DCX: variants seen among roughly 807,000 people sequenced by gnomAD.
The protein encoded by DCX is doublecortin, also known as neuronal migration protein doublecortin.
A neutral mutation model predicts 20.9 loss-of-function variants in DCX; 4 were observed. The observed-to-expected ratio is 0.19, with a 90% CI of 0.09 to 0.44. The LOEUF (loss-of-function observed/expected upper bound fraction) is 0.44. Among genes scored for constraint, DCX ranks in the 20% least tolerant of loss-of-function variants. The probability of loss-of-function intolerance (pLI) is 0.99; values close to 1 mark genes in which losing one functional copy is unlikely to be tolerated. For synonymous variants in DCX, 103 were observed against 111.4 expected, an observed-to-expected ratio of 0.92 and a Z score of 0.47; for missense variants, 133 against 296.9, an observed-to-expected ratio of 0.45 and a Z score of 4.06.
chrX:111,379,899 G>A (rs1194042935), intron 3 of DCX, among the ~76,000 whole-genome samples: 5 of 110,826 alleles, frequency 4.5e-5, no homozygotes. Context: ...AACCCTAAGG[G>A]TGTAAAGTGG....
At chrX:111,368,240 C>A (rs1260088630) in intron 3 of DCX, among the ~76,000 whole-genome samples, 1 of 111,741 alleles carries the variant, frequency 8.9e-6, no homozygotes, top group Admixed American at 9.5e-5. Flanking sequence ...GACAGGGGTT[C>A]TCCCTCTGTG....
At chrX:111,393,734 G>T (rs1352124580) in intron 3 of DCX, among the ~76,000 whole-genome samples, 2 of 111,072 alleles carry the variant, frequency 1.8e-5, no homozygotes. Flanking sequence ...GTGAAAATAT[G>T]TGTGATATCA....
intron 4 of DCX, 124 bp from the exon 5 acceptor site, chrX:111,331,165 G>T (rs1921199218): frequency 2.4e-6 from 2 of 821,848 alleles, no homozygotes; most frequent in Non-Finnish European, 3.6e-6. Flanking sequence ...CTACAATGTG[G>T]TCCTTATTAT....
chrX:111,353,831 T>C (rs763196919), intron 3 of DCX, among the ~76,000 whole-genome samples: 4 of 111,688 alleles, frequency 3.6e-5, no homozygotes, highest in Non-Finnish European at 7.5e-5. Flanking sequence ...AAGTTTCTCA[T>C]TTGAGTCACT....
chrX:111,335,807 G>A (rs1484878080), intron 3 of DCX, among the ~76,000 whole-genome samples: 2 of 110,568 alleles, frequency 1.8e-5, no homozygotes. Context: ...CTAGTCCGGC[G>A]TGGTGGTGCA....
At position 111,316,088 on chromosome X, in the gene DCX, A is replaced by AATAAAT. The variant is rs1330121517; in HGVS notation, c.947-3353_947-3352insATTTAT. Among the ~76,000 whole-genome samples the AATAAAT allele has an allele frequency of 2.0e-3, 118 of 59,619 alleles. 1 individual carries two copies. The highest frequency in any genetic ancestry group is 8.5e-3 in the African/African-American group (111 of 12,988). 51.8% of individuals were successfully genotyped at this position (59,619 alleles called of 115,157 possible). ...AAAACTTAGAGTATAATAAAAAATA[A>AATAAAT]AAAAAAAAAAAAAAAAAAAAAATGT... On this transcript the variant is annotated intron_variant, in intron 5 of 6. Coordinates refer to ENST00000636035, the MANE Select transcript of DCX (RefSeq NM_001195553.2).
chrX:111,386,137 G>A (rs147822229), intron 3 of DCX, among the ~76,000 whole-genome samples: 44 of 111,157 alleles, frequency 4.0e-4, no homozygotes, highest in African/African-American at 1.4e-3. Flanking sequence ...GCCACATCCA[G>A]CTAGGGGGAT....
chrX:111,321,889 T>G (rs2095087399), intron 5 of DCX, among the ~76,000 whole-genome samples: 1 of 112,027 alleles, frequency 8.9e-6, no homozygotes, highest in South Asian at 3.7e-4. Context: ...AGGGACAGCT[T>G]GGCATCTACT....
chrX:111,367,964 T>C (rs974253416), intron 3 of DCX, among the ~76,000 whole-genome samples: 1 of 111,444 alleles, frequency 9.0e-6, no homozygotes, highest in Admixed American at 9.6e-5. Flanking sequence ...TAAACATTGA[T>C]AATAGCTAAG....
chrX:111,405,770 C>A (rs1015417651), intron 2 of DCX, among the ~76,000 whole-genome samples: 2 of 111,548 alleles, frequency 1.8e-5, no homozygotes, highest in Non-Finnish European at 3.8e-5. Flanking sequence ...CATTGACCTC[C>A]TTGGGATACA....
At chrX:111,404,485 G>A (rs1286099777) in intron 2 of DCX, among the ~76,000 whole-genome samples, 2 of 112,013 alleles carry the variant, frequency 1.8e-5, no homozygotes, top group African/African-American at 6.5e-5. Context: ...ATTTATCGTC[G>A]TCAAGAGTGA....
chrX:111,341,676 C>G (rs748382293), intron 3 of DCX, among the ~76,000 whole-genome samples: 1 of 111,921 alleles, frequency 8.9e-6, no homozygotes, highest in African/African-American at 3.2e-5. Flanking sequence ...CAGCAGACTT[C>G]TCAGCAGAAA....
At chrX:111,307,961 G>C (rs977600113) in intron 6 of DCX, among the ~76,000 whole-genome samples, 4 of 111,729 alleles carry the variant, frequency 3.6e-5, no homozygotes, top group African/African-American at 1.3e-4. Flanking sequence ...TGAATTAATG[G>C]CGTGAGATGC....
chrX:111,333,855 CA>C (rs774615967), intron 3 of DCX, among the ~76,000 whole-genome samples: 2 of 111,838 alleles, frequency 1.8e-5, no homozygotes, highest in South Asian at 7.6e-4. Flanking sequence ...AACAGACAGA[CA>C]GTCTCCCCAA....
At chrX:111,322,957 T>G (rs778212098) in intron 5 of DCX, among the ~76,000 whole-genome samples, 2 of 112,052 alleles carry the variant, frequency 1.8e-5, no homozygotes, top group South Asian at 7.5e-4. Context: ...CAAATGTATA[T>G]ACCCAATCCT....
At chrX:111,389,327 C>T (rs184859166) in intron 3 of DCX, among the ~76,000 whole-genome samples, 1 of 111,407 alleles carries the variant, frequency 9.0e-6, no homozygotes, top group East Asian at 2.9e-4. Context: ...GCTCTTATGC[C>T]TACCCACCCA....
intron 5 of DCX, among the ~76,000 whole-genome samples, chrX:111,319,025 G>A (rs1482151252): frequency 1.8e-5 from 2 of 112,409 alleles, no homozygotes; most frequent in African/African-American, 3.2e-5. Context: ...AGAAGTGCAA[G>A]TAACTCATAA....
intron 2 of DCX, among the ~76,000 whole-genome samples, chrX:111,406,785 G>A (rs1007040542): frequency 8.9e-6 from 1 of 112,364 alleles, no homozygotes; most frequent in Non-Finnish European, 1.9e-5. Flanking sequence ...GAGCTGAAGA[G>A]ATTGGAGAAA....
At chrX:111,401,388 C>T in intron 2 of DCX, 58 bp from the exon 3 acceptor site, 2 of 988,412 alleles carry the variant, frequency 2.0e-6, no homozygotes, top group Non-Finnish European at 2.9e-6. Flanking sequence ...ATGGATTATT[C>T]TAACCAAACT....
Sources: allele counts gnomAD v4.1 joint callset (sites outside exome capture counted in the v4.1 genomes callset), GRCh38; gene constraint gnomAD v4.1.1; transcripts MANE v1.5; gene names NCBI Gene and HGNC (gene_info 2026-07-23, HGNC 2026-07-21).